The following TJP3 variants were observed in gnomAD, a reference collection of about 807,000 sequenced individuals.
TJP3 encodes tight junction protein 3.
TJP3 carries 85 observed loss-of-function variants against 104.2 expected under a neutral mutation model. That is an observed-to-expected ratio of 0.82 (90% CI 0.68 to 0.98). The LOEUF (loss-of-function observed/expected upper bound fraction) is 0.98, where lower values mean the gene tolerates loss of function less well. Among genes scored for constraint, TJP3 ranks in the 50% least tolerant of loss-of-function variants. The probability of loss-of-function intolerance (pLI) is 0.00; values close to 1 mark genes in which losing one functional copy is unlikely to be tolerated. For missense variants in TJP3, 1,367 were observed against 1,322.8 expected, an observed-to-expected ratio of 1.03 and a Z score of -0.52; for synonymous variants, 550 against 550.6, an observed-to-expected ratio of 1.00 and a Z score of 0.02.
intron 20 of TJP3, 91 bp from the exon 21 acceptor site, chr19:3,750,491 C>T: frequency 9.0e-7 from 1 of 1,115,610 alleles, no homozygotes; most frequent in South Asian, 1.4e-5. Context: ...CTGCCCACAC[C>T]CACTGTGCCT....
At chr19:3,722,909 G>T (rs1050107492) in intron 1 of TJP3, among the ~76,000 whole-genome samples, 1 of 136,034 alleles carries the variant, frequency 7.4e-6, no homozygotes, top group African/African-American at 2.7e-5. Flanking sequence ...CCCGGGGGCG[G>T]TGTGACTTGG....
intron 1 of TJP3, among the ~76,000 whole-genome samples, chr19:3,711,441 C>T (rs1327609789): frequency 6.6e-6 from 1 of 151,230 alleles, no homozygotes. Flanking sequence ...TCAGGTGATT[C>T]GCTCGCCTCG....
rs373978018 is a variant in TJP3 at position 3,718,826 on chromosome 19, C to T, written c.-9-9598C>T. Among the ~76,000 whole-genome samples, 6 of 152,076 alleles carry T rather than the reference C, an allele frequency of 3.9e-5. No homozygotes were observed. In the East Asian group the frequency reaches 5.8e-4, roughly 15 times the overall value. On this transcript the variant is annotated intron_variant, in intron 1 of 20. Transcript: ENST00000541714. ...TGGCAGCCACGAACCTTGACGTGTGCGGGCCGGTAGGGAATGATGTGTTTT... is the reference window on the plus strand; with the variant it reads ...TGGCAGCCACGAACCTTGACGTGTGTGGGCCGGTAGGGAATGATGTGTTTT...
In TJP3 at chr19:3,741,599, C is replaced by G. The variant is rs1442148708; in HGVS notation, c.1843+836C>G. On this transcript the variant is annotated intron_variant, in intron 14 of 20. Coordinates refer to ENST00000541714, the MANE Select transcript of TJP3 (RefSeq NM_001267560.2). ...CTATGATCGCACCACTGCACTCCAC[C>G]CTGGGCCACAGATTGACACTGTCTT... Among the ~76,000 whole-genome samples, 3 of 146,466 alleles carry G rather than the reference C, an allele frequency of 2.0e-5. No homozygotes were observed. The East Asian group carries it at 6.1e-4, about 30-fold the overall frequency.
At chr19:3,718,089 C>T (rs1302487992) in intron 1 of TJP3, among the ~76,000 whole-genome samples, 10 of 151,230 alleles carry the variant, frequency 6.6e-5, no homozygotes, top group Non-Finnish European at 1.2e-4. Context: ...GCCTGTAGTC[C>T]CAGCTACTCG....
At chr19:3,724,684 A>G (rs2036579969) in intron 1 of TJP3, among the ~76,000 whole-genome samples, 1 of 152,132 alleles carries the variant, frequency 6.6e-6, no homozygotes, top group South Asian at 2.1e-4. Context: ...CCACAGGTGC[A>G]TGCCACCATG....
Position 3,728,541 on chromosome 19 carries a change from T to C in TJP3, c.48+61T>C, listed in dbSNP as rs919395266. 1.9e-6 allele frequency: 3 copies of C among 1,598,250 alleles called. No homozygotes were observed. The Admixed American group carries it at 5.4e-5, about 29-fold the overall frequency. On this transcript the variant is annotated intron_variant, in intron 2 of 20. Coordinates refer to ENST00000541714, the MANE Select transcript of TJP3 (RefSeq NM_001267560.2). ...GTATGGCGGCTTAGGCCCAGCTCAA[T>C]AGAGGGGAGACCCTTTACCCTGGGG...
At chr19:3,722,391 G>C (rs1389956519) in intron 1 of TJP3, among the ~76,000 whole-genome samples, 2 of 152,130 alleles carry the variant, frequency 1.3e-5, no homozygotes, top group Non-Finnish European at 1.5e-5. Flanking sequence ...GGGCGCCCGC[G>C]GTGGCACGGT....
chr19:3,748,015 C>T lies in TJP3; in HGVS notation c.2544C>T (p.Pro848=), dbSNP rs144782282. The part of the protein sequence containing the change: ...PAPALARSSE[P]VQADESQSPR... ...CAGCCCTGGCCCGGTCCTCGGAGCC[C>T]GTGCAGGCAGATGAGTCCCAGAGCC... Residue 848 remains proline, a synonymous_variant, in exon 19 of 21, where the codon CCC becomes CCT. Transcript: ENST00000541714. 3.4e-5 allele frequency: 55 copies of T among 1,606,622 alleles called. No homozygotes were observed. Among genetic ancestry groups the T allele is most frequent in the South Asian group, 4.4e-5 (4 of 90,288 alleles).
At chr19:3,725,170 G>A (rs996104623) in intron 1 of TJP3, among the ~76,000 whole-genome samples, 1 of 152,192 alleles carries the variant, frequency 6.6e-6, no homozygotes, top group Non-Finnish European at 1.5e-5. Flanking sequence ...GCTGAAGCAG[G>A]AGGATCCCTT....
intron 1 of TJP3, among the ~76,000 whole-genome samples, chr19:3,718,489 G>T (rs1342662791): frequency 1.3e-5 from 2 of 150,414 alleles, no homozygotes; most frequent in African/African-American, 2.4e-5. Flanking sequence ...GGGCGGGGTG[G>T]ACAGGGCCTC....
chr19:3,749,255 T>C (rs917084822), intron 19 of TJP3, among the ~76,000 whole-genome samples: 10 of 152,296 alleles, frequency 6.6e-5, no homozygotes, highest in African/African-American at 2.4e-4. Context: ...CACAGGGCGG[T>C]GGTGAGCACT....
Position 3,746,406 on chromosome 19 carries a change from C to A in TJP3, c.2011-79C>A, listed in dbSNP as rs919712413. On this transcript the variant is annotated intron_variant, in intron 16 of 20. Coordinates refer to ENST00000541714, the MANE Select transcript of TJP3 (RefSeq NM_001267560.2). The surrounding 1 kb of genome is among the most constrained non-coding windows in gnomAD (Gnocchi z 4.1). ...GGCTGGGGTCCACTCTGACCTCAGACTCTTCATCTTTCTATCTTTCTCTCT... is the reference window on the plus strand; with the variant it reads ...GGCTGGGGTCCACTCTGACCTCAGAATCTTCATCTTTCTATCTTTCTCTCT... 6.8e-7 allele frequency: 1 copy of A among 1,467,918 alleles called. No individual in the cohort carries two copies. Among genetic ancestry groups the A allele is most frequent in the Admixed American group, 1.8e-5 (1 of 56,226 alleles). 90.9% of individuals were successfully genotyped at this position (1,467,918 alleles called of 1,614,324 possible).
At chr19:3,714,710 T>G (rs1252569222) in intron 1 of TJP3, among the ~76,000 whole-genome samples, 7 of 151,940 alleles carry the variant, frequency 4.6e-5, no homozygotes, top group Non-Finnish European at 8.8e-5. Flanking sequence ...TTCGAGACCA[T>G]CCTGGCCCTG....
At chr19:3,714,732 G>T (rs908933121) in intron 1 of TJP3, among the ~76,000 whole-genome samples, 4 of 152,036 alleles carry the variant, frequency 2.6e-5, no homozygotes, top group Admixed American at 6.6e-5. Flanking sequence ...TCCACTGGGG[G>T]ACCTCAGCCC....
rs188750783 is a variant in TJP3, at chr19:3,713,807, C to T, written c.-10+5246C>T. 2.4e-3 allele frequency among the ~76,000 whole-genome samples: 366 copies of T among 151,896 alleles called. 2 individuals are homozygous for T. The highest frequency in any genetic ancestry group is 8.5e-3 in the African/African-American group (352 of 41,438). Reference sequence around the variant, plus strand: ...CTCGGCTCACTGCAACCTCCGCCTCCCAGGTTGAAGTGATTCTCCTGCCTC... The same window carrying T: ...CTCGGCTCACTGCAACCTCCGCCTCTCAGGTTGAAGTGATTCTCCTGCCTC... On this transcript the variant is annotated intron_variant, in intron 1 of 20. Transcript: ENST00000541714.
intron 1 of TJP3, among the ~76,000 whole-genome samples, chr19:3,709,274 T>C (rs151196741): frequency 0.012 from 1,877 of 152,180 alleles, 42 homozygotes; most frequent in African/African-American, 0.043. Context: ...TTTTGTATTT[T>C]TAGTAGAGAT....
At chr19:3,732,892 G>A (rs544786529) in intron 6 of TJP3, among the ~76,000 whole-genome samples, 43 of 151,318 alleles carry the variant, frequency 2.8e-4, no homozygotes, top group African/African-American at 8.5e-4. Context: ...TGATCCATCC[G>A]CCTCGGCCTC....
chr19:3,750,773 C>T lies in TJP3; in HGVS notation c.*89C>T. The stretch of plus-strand genomic sequence containing the variant: ...CCATACAGAACCCACAACCTTACCT[C>T]CCTCCGCCTGGTCTTTAATAAACAG... On this transcript the variant is annotated 3_prime_UTR_variant, in exon 21 of 21. Coordinates refer to ENST00000541714, the MANE Select transcript of TJP3 (RefSeq NM_001267560.2). 1 of 1,175,594 alleles carries T rather than the reference C, an allele frequency of 8.5e-7. No individual in the cohort carries two copies. Among genetic ancestry groups the T allele is most frequent in the Admixed American group, 2.1e-5 (1 of 47,348 alleles). 72.8% of individuals were successfully genotyped at this position (1,175,594 alleles called of 1,614,324 possible).
Sources: allele counts gnomAD v4.1 joint callset (sites outside exome capture counted in the v4.1 genomes callset), GRCh38; gene constraint gnomAD v4.1.1; non-coding constraint Gnocchi (gnomAD v3.1); transcripts MANE v1.5; gene names NCBI Gene and HGNC (gene_info 2026-07-23, HGNC 2026-07-21).